The following PRUNE2 variants were observed in gnomAD, a reference collection of about 807,000 sequenced individuals.
PRUNE2 encodes protein prune homolog 2.
PRUNE2 carries 164 observed loss-of-function variants against 252.0 expected under a neutral mutation model. The ratio of observed to expected loss-of-function variants is 0.65; its 90% CI spans 0.57 to 0.74. The LOEUF (loss-of-function observed/expected upper bound fraction) is 0.74. Ranked by LOEUF, PRUNE2 falls within the 30% of genes least tolerant of loss-of-function variation. PRUNE2 has a pLI of 0.00. For missense variants in PRUNE2, 3,495 were observed against 3,711.0 expected (o/e 0.94, Z 1.51); for synonymous variants, 1,292 against 1,350.2 (o/e 0.96, Z 0.94).
chr9:76,703,595 TG>T lies in PRUNE2; in HGVS notation c.8017del (p.Gln2673SerfsTer8). On this transcript the variant is annotated frameshift_variant, in exon 9 of 19. Transcript: ENST00000376718. LOFTEE classifies it high-confidence loss of function. Reference sequence around the variant, plus strand: ...CTTCATTTCTTCCAGAATCTGCAGCTGGGGACCCTCACCCAAGCCGAGTTCA... The same window carrying T: ...CTTCATTTCTTCCAGAATCTGCAGCTGGGACCCTCACCCAAGCCGAGTTCA... ...FSELGLGEGP[Q>X]LQILEEMKPL... is the part of the protein sequence containing the mutation. 1 of 1,613,472 alleles carries T rather than the reference TG, an allele frequency of 6.2e-7. No individual in the cohort carries two copies.
In PRUNE2 at chr9:76,613,946, T is replaced by A. The variant is rs1238801171; in HGVS notation, c.*624A>T. 6.6e-6 allele frequency: 1 copy of A among 152,226 alleles called. No homozygotes were observed. Among genetic ancestry groups the A allele is most frequent in the Non-Finnish European group, 1.5e-5 (1 of 68,040 alleles). The allele number at this position is 152,226 out of a possible 1,614,324, so 9.4% of individuals were successfully genotyped here. On this transcript the variant is annotated 3_prime_UTR_variant, in exon 19 of 19. Coordinates refer to ENST00000376718, the MANE Select transcript of PRUNE2 (RefSeq NM_015225.3). Reference sequence around the variant, plus strand: ...TTAAAAGACCAATTTACATAAAATATAATGCCCAATTTGACAACTAAAATA... The same window carrying A: ...TTAAAAGACCAATTTACATAAAATAAAATGCCCAATTTGACAACTAAAATA...
At chr9:76,660,215 G>A (rs558669541) in intron 9 of PRUNE2, among the ~76,000 whole-genome samples, 1 of 152,142 alleles carries the variant, frequency 6.6e-6, no homozygotes, top group Non-Finnish European at 1.5e-5. Context: ...GGACCTCCTG[G>A]TGATGGAAGA....
intron 3 of PRUNE2, among the ~76,000 whole-genome samples, chr9:76,848,861 C>T (rs748500469): frequency 2.6e-5 from 4 of 152,174 alleles, no homozygotes; most frequent in Non-Finnish European, 4.4e-5. Flanking sequence ...CTTCTACTAA[C>T]TACATATGGT....
At position 76,726,916 on chromosome 9, in the gene PRUNE2, A is replaced by G. The variant is rs1195414504; in HGVS notation, c.757-13195T>C. 2.0e-5 allele frequency among the ~76,000 whole-genome samples: 3 copies of G among 152,254 alleles called. No homozygotes were observed. In the East Asian group the frequency reaches 5.8e-4, roughly 29 times the overall value. ...TACCTGGGCTCACTCTGGTGGAACA[A>G]GAGTAGTAATTTAATTGTCATTATT... is the stretch of plus-strand genomic sequence containing the variant. On this transcript the variant is annotated intron_variant, in intron 6 of 18. Transcript: ENST00000376718.
At chr9:76,743,827 T>C (rs1276685129) in intron 6 of PRUNE2, among the ~76,000 whole-genome samples, 3 of 152,324 alleles carry the variant, frequency 2.0e-5, no homozygotes, top group Admixed American at 2.0e-4. Flanking sequence ...TTAGTTACCT[T>C]GGGGGAAGGT....
intron 1 of PRUNE2, among the ~76,000 whole-genome samples, chr9:76,879,591 A>C (rs2061645820): frequency 6.6e-6 from 1 of 151,728 alleles, no homozygotes; most frequent in Non-Finnish European, 1.5e-5. Flanking sequence ...AAGAAGAAAA[A>C]AATAACAGGG....
chr9:76,652,402 T>G, intron 11 of PRUNE2, 81 bp downstream of exon 11: 1 of 952,942 alleles, frequency 1.0e-6, no homozygotes, highest in Non-Finnish European at 1.6e-6. Flanking sequence ...AAGGATCCAC[T>G]GGCACAAAAA....
At chr9:76,647,282 A>C (rs1448361973) in intron 11 of PRUNE2, among the ~76,000 whole-genome samples, 2 of 152,246 alleles carry the variant, frequency 1.3e-5, no homozygotes, top group Non-Finnish European at 2.9e-5. Context: ...CAATACAATA[A>C]AGCAAAGATA....
chr9:76,845,964 G>A (rs1307099962), intron 4 of PRUNE2, among the ~76,000 whole-genome samples: 1 of 152,214 alleles, frequency 6.6e-6, no homozygotes, highest in Non-Finnish European at 1.5e-5. Context: ...TGATGATGGT[G>A]TGTTCAGGAC....
At chr9:76,803,365 T>C (rs976305770) in intron 6 of PRUNE2, among the ~76,000 whole-genome samples, 5 of 152,198 alleles carry the variant, frequency 3.3e-5, no homozygotes, top group African/African-American at 9.6e-5. Context: ...GTAACCTATT[T>C]TTCTCTATAG....
rs1289466678 is a variant in PRUNE2, at chr9:76,823,857, A to C, written c.662-131T>G. 16 of 621,952 alleles carry C rather than the reference A, an allele frequency of 2.6e-5. No individual in the cohort carries two copies. The East Asian group carries it at 4.3e-4, about 17-fold the overall frequency. 38.5% of individuals were successfully genotyped at this position (621,952 alleles called of 1,614,324 possible). On this transcript the variant is annotated intron_variant, in intron 5 of 18. Coordinates refer to ENST00000376718, the MANE Select transcript of PRUNE2 (RefSeq NM_015225.3). ...CCCCTCAAATGTCACTTTTATCCAC[A>C]ATAAACACACACACACACACTAAGG...
intron 9 of PRUNE2, among the ~76,000 whole-genome samples, chr9:76,686,541 G>A (rs2044112745): frequency 6.6e-6 from 1 of 152,110 alleles, no homozygotes; most frequent in African/African-American, 2.4e-5. Context: ...CTGCAGCCGT[G>A]ACTTCCCAGG....
chr9:76,731,350 T>TATCG (rs1564172374), intron 6 of PRUNE2, among the ~76,000 whole-genome samples: 1 of 141,922 alleles, frequency 7.0e-6, no homozygotes, highest in African/African-American at 2.6e-5. Flanking sequence ...TGAGACAGGG[T>TATCG]ATTGCTCTGT....
At chr9:76,793,166 C>G (rs187724206) in intron 6 of PRUNE2, among the ~76,000 whole-genome samples, 19 of 152,310 alleles carry the variant, frequency 1.2e-4, no homozygotes, top group Non-Finnish European at 1.8e-4. Flanking sequence ...GCTTCTTATA[C>G]TGGAGGAAGT....
intron 6 of PRUNE2, among the ~76,000 whole-genome samples, chr9:76,745,929 G>A (rs1448655051): frequency 1.3e-5 from 2 of 152,160 alleles, no homozygotes; most frequent in Non-Finnish European, 2.9e-5. Flanking sequence ...CACTTCCCCT[G>A]GTGACAGGTA....
At chr9:76,688,303 C>A (rs543998438) in intron 9 of PRUNE2, among the ~76,000 whole-genome samples, 9 of 152,204 alleles carry the variant, frequency 5.9e-5, no homozygotes. Flanking sequence ...AACACCAGGA[C>A]CATGACCTAA....
intron 6 of PRUNE2, among the ~76,000 whole-genome samples, chr9:76,811,245 GA>G (rs1361721729): frequency 6.6e-6 from 1 of 152,190 alleles, no homozygotes; most frequent in Non-Finnish European, 1.5e-5. Context: ...ACTATGTCCT[GA>G]GGGTTTCCCT....
At chr9:76,805,367 T>A (rs1198911351) in intron 6 of PRUNE2, among the ~76,000 whole-genome samples, 1 of 152,152 alleles carries the variant, frequency 6.6e-6, no homozygotes. Context: ...ACACTCGTAA[T>A]CCCAGCAGTT....
chr9:76,649,366 T>C (rs1846246253), intron 11 of PRUNE2, among the ~76,000 whole-genome samples: 1 of 151,234 alleles, frequency 6.6e-6, no homozygotes, highest in Admixed American at 6.6e-5. Context: ...TATCATCTAT[T>C]AAAACAGTAC....
Sources: allele counts gnomAD v4.1 joint callset (sites outside exome capture counted in the v4.1 genomes callset), GRCh38; gene constraint gnomAD v4.1.1; transcripts MANE v1.5; gene names NCBI Gene and HGNC (gene_info 2026-07-23, HGNC 2026-07-21).